Variants in EPHB1 observed in about 807,000 individuals in gnomAD.
EPHB1 encodes EPH receptor B1.
Under a neutral mutation model 94.4 loss-of-function variants are expected in EPHB1, and 30 were observed. The ratio of observed to expected loss-of-function variants is 0.32; its 90% CI spans 0.24 to 0.43. The LOEUF (loss-of-function observed/expected upper bound fraction) is 0.43. EPHB1 is among the 20% of genes least tolerant of loss of function. The pLI is 1.00. For synonymous variants in EPHB1, 522 were observed against 489.1 expected, an observed-to-expected ratio of 1.07 and a Z score of -0.89; for missense variants, 1,055 against 1,308.3, an observed-to-expected ratio of 0.81 and a Z score of 2.99.
chr3:135,050,706 ACT>A (rs1937144008), intron 3 of EPHB1, among the ~76,000 whole-genome samples: 1 of 152,122 alleles, frequency 6.6e-6, no homozygotes, highest in East Asian at 1.9e-4. Context: ...GTGAGTCCTC[ACT>A]CTGAGTTCAG....
intron 3 of EPHB1, among the ~76,000 whole-genome samples, chr3:134,973,612 G>T (rs1269896746): frequency 6.6e-6 from 1 of 151,472 alleles, no homozygotes; most frequent in Non-Finnish European, 1.5e-5. Context: ...TTGTATTTTT[G>T]GTAGAGACAG....
At chr3:134,841,912 T>C (rs547622515) in intron 1 of EPHB1, among the ~76,000 whole-genome samples, 1 of 152,328 alleles carries the variant, frequency 6.6e-6, no homozygotes, top group African/African-American at 2.4e-5. Context: ...CTGAACTCAT[T>C]TCCAAAGAGT....
intron 5 of EPHB1, among the ~76,000 whole-genome samples, chr3:135,143,262 G>A (rs1384206696): frequency 6.6e-6 from 1 of 152,164 alleles, no homozygotes; most frequent in Non-Finnish European, 1.5e-5. Context: ...GGGCTAAAGA[G>A]TGGGCATGGC....
intron 7 of EPHB1, among the ~76,000 whole-genome samples, chr3:135,163,040 T>C (rs980802669): frequency 2.0e-5 from 3 of 152,264 alleles, no homozygotes; most frequent in South Asian, 2.1e-4. Flanking sequence ...ACTCCCCAAA[T>C]TGAAAGCTTT....
chr3:135,204,204 AT>A (rs1024306395), intron 12 of EPHB1, among the ~76,000 whole-genome samples: 2 of 150,604 alleles, frequency 1.3e-5, no homozygotes, highest in Non-Finnish European at 1.5e-5. Context: ...TAAGTTTTTT[AT>A]TTTTTTTTAT....
intron 1 of EPHB1, among the ~76,000 whole-genome samples, chr3:134,820,174 A>G (rs1458686690): frequency 6.6e-6 from 1 of 152,096 alleles, no homozygotes; most frequent in Non-Finnish European, 1.5e-5. Context: ...TGGGAGAGAA[A>G]CATCACTCCC....
intron 5 of EPHB1, among the ~76,000 whole-genome samples, chr3:135,152,069 A>G (rs1375038663): frequency 6.6e-6 from 1 of 152,224 alleles, no homozygotes; most frequent in Non-Finnish European, 1.5e-5. Flanking sequence ...TCCAAGCCCC[A>G]AGCCTAAGGA....
chr3:135,083,688 C>T (rs772797977), intron 3 of EPHB1, among the ~76,000 whole-genome samples: 8 of 152,038 alleles, frequency 5.3e-5, no homozygotes, highest in Non-Finnish European at 7.4e-5. Flanking sequence ...GGTGGTGATA[C>T]TCCCACCTGC....
chr3:134,857,582 A>G (rs1191143742), intron 1 of EPHB1, among the ~76,000 whole-genome samples: 3 of 152,018 alleles, frequency 2.0e-5, no homozygotes, highest in Non-Finnish European at 4.4e-5. Flanking sequence ...CCTGGTGGGT[A>G]CTGTGGTTGA....
intron 1 of EPHB1, among the ~76,000 whole-genome samples, chr3:134,902,993 T>C (rs2038234193): frequency 6.6e-6 from 1 of 152,162 alleles, no homozygotes; most frequent in Non-Finnish European, 1.5e-5. Context: ...ATAATGAACA[T>C]GGAGTTAGGG....
At chr3:134,936,575 C>A (rs559797460) in intron 2 of EPHB1, among the ~76,000 whole-genome samples, 11 of 152,232 alleles carry the variant, frequency 7.2e-5, no homozygotes, top group African/African-American at 2.6e-4. Context: ...GAACGCGCCC[C>A]CCCCTCCATT....
At chr3:135,059,995 C>T (rs1032643884) in intron 3 of EPHB1, among the ~76,000 whole-genome samples, 1 of 152,192 alleles carries the variant, frequency 6.6e-6, no homozygotes, top group African/African-American at 2.4e-5. Context: ...GATGAGTGCA[C>T]AAGTGTGTTC....
chr3:135,004,194 A>G (rs1161563697), intron 3 of EPHB1, among the ~76,000 whole-genome samples: 1 of 151,278 alleles, frequency 6.6e-6, no homozygotes, highest in Non-Finnish European at 1.5e-5. Context: ...TCTGTAAAGT[A>G]TTTTATTTCT....
chr3:134,884,170 C>T (rs1044396718), intron 1 of EPHB1, among the ~76,000 whole-genome samples: 22 of 152,186 alleles, frequency 1.4e-4, no homozygotes, highest in Admixed American at 1.0e-3. Flanking sequence ...GTCCAAGCAG[C>T]ACTCCAGTGT....
intron 3 of EPHB1, among the ~76,000 whole-genome samples, chr3:134,980,292 A>T (rs1232400806): frequency 2.6e-5 from 4 of 152,180 alleles, no homozygotes; most frequent in African/African-American, 7.2e-5. Context: ...TGGATTTCTT[A>T]TGTGGTGCTT....
intron 4 of EPHB1, among the ~76,000 whole-genome samples, chr3:135,114,827 A>G (rs901805037): frequency 2.9e-4 from 44 of 152,142 alleles, no homozygotes; most frequent in African/African-American, 1.0e-3. Flanking sequence ...TTTTATTACT[A>G]TTATCAGAGT....
At chr3:134,896,239 G>T (rs1179236473) in intron 1 of EPHB1, among the ~76,000 whole-genome samples, 1 of 151,700 alleles carries the variant, frequency 6.6e-6, no homozygotes, top group Non-Finnish European at 1.5e-5. Flanking sequence ...CCCTGCAGAA[G>T]TCATCTCAGA....
In EPHB1 at chr3:134,970,785, C is replaced by T. The variant is rs560133896; in HGVS notation, c.805+18733C>T. 2.6e-4 allele frequency among the ~76,000 whole-genome samples: 39 copies of T among 152,292 alleles called. 2 individuals are homozygous for T. The South Asian group carries it at 7.5e-3, about 29-fold the overall frequency. On this transcript the variant is annotated intron_variant, in intron 3 of 15. Coordinates refer to ENST00000398015, the MANE Select transcript of EPHB1 (RefSeq NM_004441.5). ...GATGCGAGCTGGACTCTGTCTCACA[C>T]GTTCATCAGGCAAAACAGGTTTGTC...
At chr3:134,887,866 C>T (rs1362812628) in intron 1 of EPHB1, among the ~76,000 whole-genome samples, 1 of 152,220 alleles carries the variant, frequency 6.6e-6, no homozygotes, top group African/African-American at 2.4e-5. Flanking sequence ...CTATTTCCCA[C>T]TTGGAGGAAT....
Sources: allele counts gnomAD v4.1 joint callset (sites outside exome capture counted in the v4.1 genomes callset), GRCh38; gene constraint gnomAD v4.1.1; transcripts MANE v1.5; gene names NCBI Gene and HGNC (gene_info 2026-07-23, HGNC 2026-07-21).